The following IFT43 variants were observed in gnomAD, a reference collection of about 807,000 sequenced individuals.
IFT43 encodes intraflagellar transport protein 43 homolog.
A neutral mutation model predicts 32.3 loss-of-function variants in IFT43; 33 were observed. That is an observed-to-expected ratio of 1.02 (90% CI 0.77 to 1.37). The LOEUF is 1.37. IFT43 is among the 40% of genes most tolerant of loss of function. IFT43 has a pLI of 0.00. For synonymous variants in IFT43, 93 were observed against 98.2 expected (o/e 0.95, Z 0.31); for missense variants, 274 against 265.9 (o/e 1.03, Z -0.21).
chr14:76,036,684 C>T (rs974390775), intron 3 of IFT43, among the ~76,000 whole-genome samples: 3 of 152,132 alleles, frequency 2.0e-5, no homozygotes, highest in Non-Finnish European at 2.9e-5. Flanking sequence ...GGATTACAGG[C>T]GTGAGCCACC....
At chr14:76,020,030 A>G (rs570106167) in intron 2 of IFT43, among the ~76,000 whole-genome samples, 7 of 152,056 alleles carry the variant, frequency 4.6e-5, no homozygotes, top group Admixed American at 2.0e-4. Flanking sequence ...GCTGGAGTAT[A>G]GTGGCGCAAT....
chr14:76,057,597 G>A (rs544828005), intron 3 of IFT43, among the ~76,000 whole-genome samples: 2 of 152,124 alleles, frequency 1.3e-5, no homozygotes, highest in South Asian at 4.2e-4. Flanking sequence ...TTGGCAGGGG[G>A]AGTTATTTGC....
intron 5 of IFT43, 106 bp from the exon 6 acceptor site, chr14:76,082,189 C>A: frequency 9.7e-7 from 1 of 1,026,164 alleles, no homozygotes. Flanking sequence ...TGCCCCAGCC[C>A]ACAGCCCCAT....
At chr14:76,003,626 C>T (rs984405571) in intron 2 of IFT43, among the ~76,000 whole-genome samples, 6 of 149,828 alleles carry the variant, frequency 4.0e-5, no homozygotes, top group Non-Finnish European at 7.4e-5. Flanking sequence ...AGCGAGACTC[C>T]GTTTCAAAAA....
chr14:76,019,708 C>T (rs1043067633), intron 2 of IFT43, among the ~76,000 whole-genome samples: 6 of 152,066 alleles, frequency 3.9e-5, no homozygotes, highest in African/African-American at 7.2e-5. Context: ...AATTTTAATA[C>T]TTGTTTTCTT....
intron 1 of IFT43, among the ~76,000 whole-genome samples, chr14:75,987,831 G>A (rs1443114906): frequency 1.3e-5 from 2 of 152,192 alleles, no homozygotes; most frequent in Non-Finnish European, 2.9e-5. Flanking sequence ...GAAGTGCTCT[G>A]ATTTCCAAAG....
intron 3 of IFT43, among the ~76,000 whole-genome samples, chr14:76,043,957 A>G (rs1035413323): frequency 3.3e-5 from 5 of 152,088 alleles, no homozygotes; most frequent in Non-Finnish European, 5.9e-5. Context: ...TTCCAGCTTG[A>G]TTAATTTGCT....
At chr14:75,996,813 C>T (rs1455596989) in intron 2 of IFT43, among the ~76,000 whole-genome samples, 1 of 152,142 alleles carries the variant, frequency 6.6e-6, no homozygotes, top group Non-Finnish European at 1.5e-5. Context: ...GCAGGAGTGA[C>T]CTTGGTGACC....
chr14:76,059,901 A>C (rs2037098171), intron 5 of IFT43, among the ~76,000 whole-genome samples: 1 of 152,228 alleles, frequency 6.6e-6, no homozygotes, highest in Admixed American at 6.5e-5. Flanking sequence ...GAGTAGAGCC[A>C]GGATTTGAGT....
intron 3 of IFT43, among the ~76,000 whole-genome samples, chr14:76,054,564 C>G (rs1368834938): frequency 1.3e-5 from 2 of 152,224 alleles, no homozygotes; most frequent in Non-Finnish European, 2.9e-5. Context: ...CTGAAACCTG[C>G]TTTTCCTCTT....
chr14:76,063,914 TTAAG>T (rs2037185620), intron 5 of IFT43, among the ~76,000 whole-genome samples: 1 of 152,134 alleles, frequency 6.6e-6, no homozygotes, highest in African/African-American at 2.4e-5. Flanking sequence ...CTGCATGAAT[TTAAG>T]TAAGCTCCCC....
At chr14:76,043,445 C>T (rs1594840255) in intron 3 of IFT43, among the ~76,000 whole-genome samples, 2 of 150,444 alleles carry the variant, frequency 1.3e-5, no homozygotes, top group East Asian at 3.9e-4. Context: ...TTGACAGGTG[C>T]ATGACTGGTG....
intron 3 of IFT43, among the ~76,000 whole-genome samples, chr14:76,035,812 C>A (rs1158056810): frequency 6.6e-6 from 1 of 152,218 alleles, no homozygotes; most frequent in Non-Finnish European, 1.5e-5. Context: ...GATGTGGGCA[C>A]ACCCTGCCTG....
chr14:76,005,728 C>T (rs2035968652), intron 2 of IFT43, among the ~76,000 whole-genome samples: 1 of 152,206 alleles, frequency 6.6e-6, no homozygotes, highest in South Asian at 2.1e-4. Flanking sequence ...AGACTGAGTG[C>T]ATTCACACTC....
intron 1 of IFT43, chr14:75,986,228 C>T: frequency 2.3e-6 from 3 of 1,297,038 alleles, no homozygotes; most frequent in Non-Finnish European, 3.0e-6. Context: ...TCCTTTGGGA[C>T]ACCTCGTCGC....
intron 2 of IFT43, among the ~76,000 whole-genome samples, chr14:76,011,585 C>T (rs2036086668): frequency 6.6e-6 from 1 of 152,208 alleles, no homozygotes; most frequent in Non-Finnish European, 1.5e-5. Context: ...TGAAAATGCC[C>T]AGTTGCCCAC....
At chr14:76,079,678 T>G (rs1251991400) in intron 5 of IFT43, among the ~76,000 whole-genome samples, 1 of 152,204 alleles carries the variant, frequency 6.6e-6, no homozygotes, top group Non-Finnish European at 1.5e-5. Context: ...TTTGGATTTT[T>G]TAAAATGGTG....
At chr14:76,020,506 T>G (rs1283031888) in intron 2 of IFT43, among the ~76,000 whole-genome samples, 2 of 152,184 alleles carry the variant, frequency 1.3e-5, no homozygotes, top group African/African-American at 2.4e-5. Flanking sequence ...TCTTATGGAT[T>G]GACTTCCATA....
intron 2 of IFT43, among the ~76,000 whole-genome samples, chr14:76,015,486 G>T (rs550710429): frequency 6.6e-6 from 1 of 152,194 alleles, no homozygotes; most frequent in African/African-American, 2.4e-5. Context: ...CAATGTTGGG[G>T]TGGAGGAAAT....
Sources: gnomAD v4.1 joint callset for allele counts (sites outside exome capture counted in the v4.1 genomes callset) on GRCh38, gnomAD v4.1.1 for gene constraint, MANE v1.5 for transcripts, NCBI Gene and HGNC (gene_info 2026-07-23, HGNC 2026-07-21) for gene names.